The following ANKRD65 variants were observed in gnomAD, a reference collection of about 807,000 sequenced individuals.
The protein encoded by ANKRD65 is ankyrin repeat domain 65.
Under a neutral mutation model 17.2 loss-of-function variants are expected in ANKRD65, and 26 were observed. The observed-to-expected ratio is 1.51, with a 90% CI of 1.11 to 2.09. The LOEUF (loss-of-function observed/expected upper bound fraction) is 2.09, where lower values mean the gene tolerates loss of function less well. Ranked by LOEUF, ANKRD65 falls within the 30% of genes most tolerant of loss-of-function variation. ANKRD65 has a pLI of 0.00. For missense variants in ANKRD65, 621 were observed against 542.2 expected (o/e 1.15, Z -1.44); for synonymous variants, 311 against 272.2 (o/e 1.14, Z -1.40).
Position 1,420,073 on chromosome 1 carries a change from C to T in ANKRD65, c.729G>A (p.Ala243=), listed in dbSNP as rs905121507. Residue 243 remains alanine (A), a synonymous_variant, in exon 3 of 4, where the codon GCG becomes GCA. Transcript: ENST00000537107. ...GTACCTGGGAGCGGCCTAGGGCGGCCGCCAGACCCAGCGCTGTGGCCCCCG... is the reference window on the plus strand; with the variant it reads ...GTACCTGGGAGCGGCCTAGGGCGGCTGCCAGACCCAGCGCTGTGGCCCCCG... ...DGAGATALGL[A]AALGRSQDIE... 1.8e-4 allele frequency: 235 copies of T among 1,286,524 alleles called. No homozygotes were observed. The highest frequency in any genetic ancestry group is 2.2e-4 in the Non-Finnish European group (225 of 1,018,410). 79.7% of individuals were successfully genotyped at this position (1,286,524 alleles called of 1,614,324 possible). A position where few individuals can be genotyped will look rare whatever the true frequency, so the allele number is the denominator to read the frequency against.
In ANKRD65 at chr1:1,419,114, C is replaced by G; in HGVS notation, c.1186G>C (p.Glu396Gln). The G allele has an allele frequency of 8.6e-6, 13 of 1,514,162 alleles. No individual in the cohort carries two copies. The highest frequency in any genetic ancestry group is 1.2e-5 in the Non-Finnish European group (13 of 1,124,742). The allele number at this position is 1,514,162 out of a possible 1,614,324, so 93.8% of individuals were successfully genotyped here. Residue 396 changes from glutamate (E) to glutamine (Q), a missense_variant, in exon 4 of 4, where the codon GAG (glutamate) becomes CAG (glutamine). By Grantham distance (29) the Glu-to-Gln change is conservative. Coordinates refer to ENST00000537107, the MANE Select transcript of ANKRD65 (RefSeq NM_001145210.3). ...GGGEKECEGI[E>Q]STG is the part of the protein sequence containing the mutation. ...TGCTGTCTGGCTCAGCCCGTGGACT[C>G]TATGCCCTCACACTCCTTCTCCCCC...
chr1:1,419,141 C>G lies in ANKRD65; in HGVS notation c.1159G>C (p.Gly387Arg), dbSNP rs555119684. ...ATGCCCTCACACTCCTTCTCCCCCC[C>G]TCCAAGTTCAGGCAGCGCCTGGGGC... The part of the protein sequence containing the change: ...DLPQALPELG[G>R]GEKECEGIES... Residue 387 changes from glycine to arginine, a missense_variant, in exon 4 of 4, where the codon GGG (glycine) becomes CGG (arginine). Gly to Arg is a moderately radical substitution (Grantham distance 125, BLOSUM62 -2). Coordinates refer to ENST00000537107, the MANE Select transcript of ANKRD65 (RefSeq NM_001145210.3). 1.2e-5 allele frequency: 18 copies of G among 1,534,786 alleles called. No individual in the cohort carries two copies. Among genetic ancestry groups the G allele is most frequent in the South Asian group, 2.4e-5 (2 of 82,814 alleles).
At position 1,419,047 on chromosome 1, in the gene ANKRD65, C is replaced by T; in HGVS notation, c.*53G>A. 3 of 1,447,748 alleles carry T rather than the reference C, an allele frequency of 2.1e-6. No individual in the cohort carries two copies. Among genetic ancestry groups the T allele is most frequent in the Non-Finnish European group, 2.7e-6 (3 of 1,093,268 alleles). The allele number at this position is 1,447,748 out of a possible 1,614,324, so 89.7% of individuals were successfully genotyped here. A position where few individuals can be genotyped will look rare whatever the true frequency, so the allele number is the denominator to read the frequency against. Reference sequence around the variant, plus strand: ...GTCCCCTCCAGGCAGGCAGCCTCAGCCAGAGAGCCTGGAAATCACTGGGGC... The same window carrying T: ...GTCCCCTCCAGGCAGGCAGCCTCAGTCAGAGAGCCTGGAAATCACTGGGGC... On this transcript the variant is annotated 3_prime_UTR_variant, in exon 4 of 4. Transcript: ENST00000537107.
In ANKRD65 at chr1:1,418,720, G is replaced by C. The variant is rs1202000816; in HGVS notation, c.*380C>G. The C allele has an allele frequency of 1.1e-5, 2 of 190,268 alleles. No homozygotes were observed. Among genetic ancestry groups the C allele is most frequent in the African/African-American group, 4.7e-5 (2 of 42,726 alleles). 11.8% of individuals were successfully genotyped at this position (190,268 alleles called of 1,614,324 possible). ...AATTGATTTTCAACTACTGGGTTTA[G>C]GCCAGGCAGGCGCAGGCCTGGTTTC... On this transcript the variant is annotated 3_prime_UTR_variant, in exon 4 of 4. Transcript: ENST00000537107.
At position 1,420,924 on chromosome 1, in the gene ANKRD65, C is replaced by T. The variant is rs1166700950; in HGVS notation, c.82G>A (p.Ala28Thr). The T allele has an allele frequency of 1.3e-6, 2 of 1,550,622 alleles. No individual in the cohort carries two copies. Among genetic ancestry groups the T allele is most frequent in the African/African-American group, 2.7e-5 (2 of 73,058 alleles). Reference protein sequence around the residue: ...LRWMELDSEEALGTRTEGPSV... With the variant: ...LRWMELDSEETLGTRTEGPSV... Reference sequence around the variant, plus strand: ...GGCCCCTCTGTCCTGGTTCCCAGGGCCTCTTCGGAGTCCAGCTCCATCCAC... The same window carrying T: ...GGCCCCTCTGTCCTGGTTCCCAGGGTCTCTTCGGAGTCCAGCTCCATCCAC... Residue 28 changes from alanine to threonine, a missense_variant, in exon 2 of 4, where the codon GCC becomes ACC. By Grantham distance (58) the Ala-to-Thr change is moderately conservative. Coordinates refer to ENST00000537107, the MANE Select transcript of ANKRD65 (RefSeq NM_001145210.3).
At position 1,419,162 on chromosome 1, in the gene ANKRD65, G is replaced by A. The variant is rs1443856105; in HGVS notation, c.1138C>T (p.Gln380Ter). 6 of 1,543,032 alleles carry A rather than the reference G, an allele frequency of 3.9e-6. No individual in the cohort carries two copies. The highest frequency in any genetic ancestry group is 5.3e-6 in the Non-Finnish European group (6 of 1,141,246). The change falls in exon 4 of 4, where the codon CAG becomes TAG. Residue 380 changes from glutamine to a stop codon, truncating the protein, a stop_gained. Transcript: ENST00000537107. LOFTEE classifies it low-confidence loss of function (END_TRUNC). ...CCCCCTCCAAGTTCAGGCAGCGCCTGGGGCAGGTCCCCCTCAGGCATCTGG... is the reference window on the plus strand; with the variant it reads ...CCCCCTCCAAGTTCAGGCAGCGCCTAGGGCAGGTCCCCCTCAGGCATCTGG... ...VAQMPEGDLP[Q>*]ALPELGGGEK...
At position 1,420,066 on chromosome 1, in the gene ANKRD65, G is replaced by A. The variant is rs183348359; in HGVS notation, c.736C>T (p.Leu246=). ...GATALGLAAA[L]GRSQDIEVLL... is the part of the protein sequence containing the mutation. ...GCGGGACGTACCTGGGAGCGGCCTA[G>A]GGCGGCCGCCAGACCCAGCGCTGTG... Residue 246 remains leucine, a synonymous_variant, in exon 3 of 4, where the codon CTA becomes TTA. Transcript: ENST00000537107. The A allele has an allele frequency of 3.2e-3, 4,079 of 1,287,898 alleles. 117 individuals carry two copies. In the African/African-American group the frequency reaches 0.058, roughly 18 times the overall value. The allele number at this position is 1,287,898 out of a possible 1,614,324, so 79.8% of individuals were successfully genotyped here. A position where few individuals can be genotyped will look rare whatever the true frequency, so the allele number is the denominator to read the frequency against.
At position 1,420,547 on chromosome 1, in the gene ANKRD65, G is replaced by C. The variant is rs1645534827; in HGVS notation, c.255C>G (p.Gly85=). Residue 85 remains glycine (G), a synonymous_variant, in exon 3 of 4, where the codon GGC becomes GGG. Transcript: ENST00000537107. ...RTPLHLAVLR[G]HAPLVRLLLQ... ...GCAGGAGACGCACCAGGGGCGCGTGGCCCCGCAGCACGGCCAGGTGGAGCG... is the reference window on the plus strand; with the variant it reads ...GCAGGAGACGCACCAGGGGCGCGTGCCCCCGCAGCACGGCCAGGTGGAGCG... The C allele has an allele frequency of 7.6e-7, 1 of 1,323,740 alleles. No individual in the cohort carries two copies. Among genetic ancestry groups the C allele is most frequent in the Admixed American group, 3.6e-5 (1 of 27,884 alleles). 82.0% of individuals were successfully genotyped at this position (1,323,740 alleles called of 1,614,324 possible). A position where few individuals can be genotyped will look rare whatever the true frequency, so the allele number is the denominator to read the frequency against.
Position 1,420,396 on chromosome 1 carries a change from G to T in ANKRD65, c.406C>A (p.Arg136Ser). 7.6e-7 allele frequency: 1 copy of T among 1,312,250 alleles called. No individual in the cohort carries two copies. The highest frequency in any genetic ancestry group is 9.7e-7 in the Non-Finnish European group (1 of 1,025,972). 81.3% of individuals were successfully genotyped at this position (1,312,250 alleles called of 1,614,324 possible). ...LLQRGASAAA[R>S]SGTGLTPLHW... Reference sequence around the variant, plus strand: ...AGCGGCGTGAGGCCCGTCCCGGAGCGAGCCGCCGCCGAGGCCCCGCGCTGC... The same window carrying T: ...AGCGGCGTGAGGCCCGTCCCGGAGCTAGCCGCCGCCGAGGCCCCGCGCTGC... Residue 136 changes from arginine to serine, a missense_variant, in exon 3 of 4, where the codon CGC becomes AGC. Physicochemically the swap from Arg to Ser is moderately radical, Grantham distance 110. Transcript: ENST00000537107.
rs1228394994 is a variant in ANKRD65, at chr1:1,420,120, G to C, written c.682C>G (p.Arg228Gly). The C allele has an allele frequency of 9.6e-6, 12 of 1,254,646 alleles. No individual in the cohort carries two copies. The highest frequency in any genetic ancestry group is 4.2e-5 in the Admixed American group (1 of 23,860). The allele number at this position is 1,254,646 out of a possible 1,614,324, so 77.7% of individuals were successfully genotyped here. A position where few individuals can be genotyped will look rare whatever the true frequency, so the allele number is the denominator to read the frequency against. Reference sequence around the variant, plus strand: ...CCCGCGCCATCCCGGGCGTCCACCCGCGCCCCGCGCGCCAGGAGGAAGCGC... The same window carrying C: ...CCCGCGCCATCCCGGGCGTCCACCCCCGCCCCGCGCGCCAGGAGGAAGCGC... ...ALRFLLARGA[R>G]VDARDGAGAT... Residue 228 changes from arginine to glycine, a missense_variant, in exon 3 of 4, where the codon CGG becomes GGG. Coordinates refer to ENST00000537107, the MANE Select transcript of ANKRD65 (RefSeq NM_001145210.3).
At position 1,420,833 on chromosome 1, in the gene ANKRD65, G is replaced by A. The variant is rs542332819; in HGVS notation, c.173C>T (p.Thr58Met). 4.3e-5 allele frequency: 67 copies of A among 1,549,120 alleles called. 1 individual carries two copies. In the South Asian group the frequency reaches 6.5e-4, roughly 15 times the overall value. The change falls in exon 2 of 4, where the codon ACG becomes ATG. Residue 58 changes from threonine (T) to methionine (M), a missense_variant. Transcript: ENST00000537107. ...AVWRGPAGLV[T>M]QLLRQGASVE... ...GCTGGCACCTTGCCGCAGCAGCTGC[G>A]TCACCAGGCCTGCAGGGCCCCTCCA...
In ANKRD65 at chr1:1,419,114, CTA is replaced by C. The variant is rs1366149068; in HGVS notation, c.1184_1185del (p.Ile395ArgfsTer50). 1.3e-6 allele frequency: 2 copies of C among 1,514,162 alleles called. No homozygotes were observed. Among genetic ancestry groups the C allele is most frequent in the Non-Finnish European group, 1.8e-6 (2 of 1,124,742 alleles). 93.8% of individuals were successfully genotyped at this position (1,514,162 alleles called of 1,614,324 possible). On this transcript the variant is annotated frameshift_variant, in exon 4 of 4. Coordinates refer to ENST00000537107, the MANE Select transcript of ANKRD65 (RefSeq NM_001145210.3). LOFTEE classifies it high-confidence loss of function. ...LGGGEKECEG[I>X]ESTG The stretch of plus-strand genomic sequence containing the variant: ...TGCTGTCTGGCTCAGCCCGTGGACT[CTA>C]TGCCCTCACACTCCTTCTCCCCCCC...
rs963203424 is a variant in ANKRD65 at position 1,419,421 on chromosome 1, G to T, written c.879C>A (p.Ala293=). ...CCAGGGTGTCCCGCGCATCCACCTCGGCCCCCTGGGTGACCAGCAACTGGA... is the reference window on the plus strand; with the variant it reads ...CCAGGGTGTCCCGCGCATCCACCTCTGCCCCCTGGGTGACCAGCAACTGGA... The part of the protein sequence containing the change: ...LAVQLLVTQG[A]EVDARDTLGL... The change falls in exon 4 of 4, where the codon GCC becomes GCA. Residue 293 remains alanine (A), a synonymous_variant. Coordinates refer to ENST00000537107, the MANE Select transcript of ANKRD65 (RefSeq NM_001145210.3). 3.2e-6 allele frequency: 5 copies of T among 1,549,636 alleles called. No homozygotes were observed. The highest frequency in any genetic ancestry group is 4.4e-6 in the Non-Finnish European group (5 of 1,146,848).
rs1427765460 is a variant in ANKRD65, at chr1:1,420,276, G to A, written c.526C>T (p.Arg176Cys). ...GPAAAEAEDA[R>C]GWTAAHWAAA... ...GCCCAGTGCGCCGCCGTCCAGCCGC[G>A]CGCGTCCTCCGCCTCCGCTGCCGCG... Residue 176 changes from arginine (R) to cysteine (C), a missense_variant, in exon 3 of 4, where the codon CGC becomes TGC. By Grantham distance (180) the Arg-to-Cys change is radical. Coordinates refer to ENST00000537107, the MANE Select transcript of ANKRD65 (RefSeq NM_001145210.3). The A allele has an allele frequency of 2.9e-6, 3 of 1,017,506 alleles. No homozygotes were observed. The highest frequency in any genetic ancestry group is 1.7e-5 in the African/African-American group (1 of 57,330). The allele number at this position is 1,017,506 out of a possible 1,614,324, so 63.0% of individuals were successfully genotyped here. A position where few individuals can be genotyped will look rare whatever the true frequency, so the allele number is the denominator to read the frequency against.
Position 1,419,406 on chromosome 1 carries a change from C to G in ANKRD65, c.894G>C (p.Arg298=). 6.5e-7 allele frequency: 1 copy of G among 1,549,888 alleles called. No individual in the cohort carries two copies. The highest frequency in any genetic ancestry group is 8.7e-7 in the Non-Finnish European group (1 of 1,146,838). The change falls in exon 4 of 4, where the codon CGG becomes CGC. Residue 298 remains arginine (R), a synonymous_variant. Coordinates refer to ENST00000537107, the MANE Select transcript of ANKRD65 (RefSeq NM_001145210.3). The part of the protein sequence containing the change: ...LVTQGAEVDA[R]DTLGLTPLHH... ...GCAGGGGTGTGAGGCCCAGGGTGTCCCGCGCATCCACCTCGGCCCCCTGGG... is the reference window on the plus strand; with the variant it reads ...GCAGGGGTGTGAGGCCCAGGGTGTCGCGCGCATCCACCTCGGCCCCCTGGG...
rs1424963093 is a variant in ANKRD65, at chr1:1,418,577, C to G, written c.*523G>C. On this transcript the variant is annotated 3_prime_UTR_variant, in exon 4 of 4. Coordinates refer to ENST00000537107, the MANE Select transcript of ANKRD65 (RefSeq NM_001145210.3). Reference sequence around the variant, plus strand: ...CATTGATTTGAGCAAGCAGGCGGTACGTGACAGGGGCTGCATGCACCGGCG... The same window carrying G: ...CATTGATTTGAGCAAGCAGGCGGTAGGTGACAGGGGCTGCATGCACCGGCG... 1 of 152,482 alleles carries G rather than the reference C, an allele frequency of 6.6e-6. No homozygotes were observed. Among genetic ancestry groups the G allele is most frequent in the Non-Finnish European group, 1.5e-5 (1 of 68,252 alleles). The allele number at this position is 152,482 out of a possible 1,614,324, so 9.4% of individuals were successfully genotyped here.
rs575907215 is a variant in ANKRD65, at chr1:1,418,746, G to A, written c.*354C>T. The A allele has an allele frequency of 2.9e-5, 6 of 209,318 alleles. No homozygotes were observed. The highest frequency in any genetic ancestry group is 1.0e-4 in the East Asian group (1 of 9,708). The allele number at this position is 209,318 out of a possible 1,614,324, so 13.0% of individuals were successfully genotyped here. ...GCCAGGCAGGCGCAGGCCTGGTTTC[G>A]GGCCTAGCGCCAGGCTGCCTGCCTG... On this transcript the variant is annotated 3_prime_UTR_variant, in exon 4 of 4. Transcript: ENST00000537107.
In ANKRD65 at chr1:1,418,755, G is replaced by A. The variant is rs750721218; in HGVS notation, c.*345C>T. 4.6e-5 allele frequency: 10 copies of A among 218,760 alleles called. No individual in the cohort carries two copies. Among genetic ancestry groups the A allele is most frequent in the South Asian group, 1.7e-4 (1 of 5,768 alleles). 13.6% of individuals were successfully genotyped at this position (218,760 alleles called of 1,614,324 possible). ...GCGCAGGCCTGGTTTCGGGCCTAGC[G>A]CCAGGCTGCCTGCCTGTCTTTGGTT... On this transcript the variant is annotated 3_prime_UTR_variant, in exon 4 of 4. Transcript: ENST00000537107.
rs779213980 is a variant in ANKRD65 at position 1,419,410 on chromosome 1, G to A, written c.890C>T (p.Ala297Val). 6 of 1,549,544 alleles carry A rather than the reference G, an allele frequency of 3.9e-6. No individual in the cohort carries two copies. The highest frequency in any genetic ancestry group is 8.7e-7 in the Non-Finnish European group (1 of 1,146,826). Residue 297 changes from alanine to valine, a missense_variant, in exon 4 of 4, where the codon GCG becomes GTG. Ala to Val is a moderately conservative substitution (Grantham distance 64). Coordinates refer to ENST00000537107, the MANE Select transcript of ANKRD65 (RefSeq NM_001145210.3). The stretch of plus-strand genomic sequence containing the variant: ...GGGTGTGAGGCCCAGGGTGTCCCGC[G>A]CATCCACCTCGGCCCCCTGGGTGAC... ...LLVTQGAEVD[A>V]RDTLGLTPLH...
Sources: allele counts gnomAD v4.1 joint callset, GRCh38; gene constraint gnomAD v4.1.1; transcripts MANE v1.5; gene names NCBI Gene and HGNC (gene_info 2026-07-23, HGNC 2026-07-21).